GTF2E2: variants seen among roughly 807,000 people sequenced by gnomAD.
GTF2E2 encodes general transcription factor IIE subunit 2.
In GTF2E2, 21 loss-of-function variants were observed where a neutral mutation model predicts 40.5. The observed-to-expected ratio is 0.52, with a 90% CI of 0.37 to 0.75. The LOEUF (loss-of-function observed/expected upper bound fraction) is 0.75. Ranked by LOEUF, GTF2E2 falls within the 30% of genes least tolerant of loss-of-function variation. The probability of loss-of-function intolerance (pLI) is 0.00; values close to 1 mark genes in which losing one functional copy is unlikely to be tolerated. For synonymous variants in GTF2E2, 117 were observed against 121.6 expected (o/e 0.96, Z 0.25); for missense variants, 298 against 338.4 (o/e 0.88, Z 0.94).
chr8:30,627,469 A>AC, intron 3 of GTF2E2, among the ~76,000 whole-genome samples: 1 of 148,918 alleles, frequency 6.7e-6, no homozygotes, highest in East Asian at 1.9e-4. Flanking sequence ...AAAAAAAAAA[A>AC]AACTCAGGAC....
intron 6 of GTF2E2, among the ~76,000 whole-genome samples, chr8:30,594,554 T>TTA (rs1563477422): frequency 9.0e-5 from 12 of 132,894 alleles, no homozygotes; most frequent in Non-Finnish European, 9.7e-5. Flanking sequence ...AATGGATCTT[T>TTA]AAAAAAAAAA....
Position 30,612,454 on chromosome 8 carries a change from C to T in GTF2E2, c.394G>A (p.Val132Ile), listed in dbSNP as rs763708188. 8.1e-6 allele frequency: 13 copies of T among 1,611,318 alleles called. No homozygotes were observed. Among genetic ancestry groups the T allele is most frequent in the South Asian group, 3.3e-5 (3 of 90,972 alleles). Residue 132 changes from valine (V) to isoleucine (I), a missense_variant, in exon 5 of 8, where the codon GTA becomes ATA. Coordinates refer to ENST00000355904, the MANE Select transcript of GTF2E2 (RefSeq NM_002095.6). Reference protein sequence around the residue: ...EALVNNPKIEVIDGKYAFKPK... With the variant: ...EALVNNPKIEIIDGKYAFKPK... ...TTGAAAGCATACTTCCCATCTATTA[C>T]TTCAATTTTGGGATTGTTGACTAAA...
chr8:30,579,128 C>T, intron 7 of GTF2E2, 91 bp from the exon 8 acceptor site: 1 of 760,120 alleles, frequency 1.3e-6, no homozygotes, highest in Non-Finnish European at 2.4e-6. Context: ...ATGCCAGTGG[C>T]TGAGGATGCC....
chr8:30,603,548 C>T (rs1269455388), intron 6 of GTF2E2, among the ~76,000 whole-genome samples: 1 of 152,046 alleles, frequency 6.6e-6, no homozygotes, highest in Non-Finnish European at 1.5e-5. Flanking sequence ...CAAAGGGGGA[C>T]ACATTATAAT....
chr8:30,587,785 T>C (rs1214507118), intron 6 of GTF2E2, among the ~76,000 whole-genome samples: 5 of 150,672 alleles, frequency 3.3e-5, no homozygotes, highest in African/African-American at 1.2e-4. Flanking sequence ...GGCAGGAGAA[T>C]TGCTTGAACC....
intron 5 of GTF2E2, among the ~76,000 whole-genome samples, chr8:30,611,907 G>C (rs912294517): frequency 6.6e-6 from 1 of 152,152 alleles, no homozygotes; most frequent in African/African-American, 2.4e-5. Flanking sequence ...CTTCAAAACA[G>C]CCAGGTTATT....
intron 3 of GTF2E2, among the ~76,000 whole-genome samples, chr8:30,632,463 G>T (rs983134655): frequency 2.0e-5 from 3 of 152,044 alleles, no homozygotes; most frequent in African/African-American, 7.3e-5. Flanking sequence ...TGTTAACTAG[G>T]AGATATTTTC....
chr8:30,602,366 T>C (rs894879373), intron 6 of GTF2E2, among the ~76,000 whole-genome samples: 6 of 152,158 alleles, frequency 3.9e-5, no homozygotes, highest in Non-Finnish European at 8.8e-5. Context: ...AATAAAAATA[T>C]ATTTTCATTC....
intron 6 of GTF2E2, among the ~76,000 whole-genome samples, chr8:30,601,123 T>C (rs1334428050): frequency 6.6e-6 from 1 of 152,222 alleles, no homozygotes; most frequent in Non-Finnish European, 1.5e-5. Context: ...GGTGGTACCT[T>C]ACCCAAGGTT....
At chr8:30,649,404 AAAAC>A (rs528301159) in intron 2 of GTF2E2, among the ~76,000 whole-genome samples, 86 of 152,206 alleles carry the variant, frequency 5.7e-4, no homozygotes, top group Middle Eastern at 3.4e-3. Context: ...TGTGGAAATA[AAAAC>A]AAACAAACAA....
At chr8:30,607,750 T>C (rs889976913) in intron 5 of GTF2E2, among the ~76,000 whole-genome samples, 2 of 152,228 alleles carry the variant, frequency 1.3e-5, no homozygotes, top group African/African-American at 2.4e-5. Flanking sequence ...TGGGGCTCTT[T>C]CACTAATCTA....
intron 1 of GTF2E2, 92 bp from the exon 2 acceptor site, chr8:30,653,694 C>T: frequency 1.2e-6 from 1 of 823,130 alleles, no homozygotes; most frequent in South Asian, 1.6e-5. Flanking sequence ...ACTTCCCAAA[C>T]AAAATTACCT....
intron 3 of GTF2E2, among the ~76,000 whole-genome samples, chr8:30,629,034 A>G (rs1801363801): frequency 6.6e-6 from 1 of 152,188 alleles, no homozygotes; most frequent in Admixed American, 6.5e-5. Flanking sequence ...TTAATTTTCA[A>G]ATATTAACCA....
intron 6 of GTF2E2, among the ~76,000 whole-genome samples, chr8:30,602,782 G>C (rs571169817): frequency 2.7e-5 from 4 of 148,104 alleles, no homozygotes; most frequent in Admixed American, 2.7e-4. Context: ...GGTGTTCACT[G>C]AATCTGGTGA....
intron 1 of GTF2E2, among the ~76,000 whole-genome samples, chr8:30,655,723 T>C (rs1175796202): frequency 1.3e-5 from 2 of 152,236 alleles, no homozygotes; most frequent in African/African-American, 4.8e-5. Context: ...TAAGCATTGA[T>C]AAGAAATAAT....
chr8:30,631,010 G>T (rs1023656966), intron 3 of GTF2E2, among the ~76,000 whole-genome samples: 6 of 152,044 alleles, frequency 3.9e-5, no homozygotes, highest in African/African-American at 9.7e-5. Flanking sequence ...AAGATAAAAA[G>T]AAATATTTTT....
intron 2 of GTF2E2, chr8:30,645,219 T>A: frequency 7.7e-7 from 1 of 1,295,930 alleles, no homozygotes; most frequent in Non-Finnish European, 1.0e-6. Context: ...ATCTTAGTAC[T>A]GAGATTTGAA....
intron 1 of GTF2E2, chr8:30,656,933 A>T (rs1273733381): frequency 6.6e-6 from 1 of 152,170 alleles, no homozygotes; most frequent in East Asian, 1.9e-4. Context: ...TTAATACGTG[A>T]AATCTGAAGT....
At chr8:30,591,751 T>C (rs894689351) in intron 6 of GTF2E2, among the ~76,000 whole-genome samples, 1 of 152,134 alleles carries the variant, frequency 6.6e-6, no homozygotes, top group Non-Finnish European at 1.5e-5. Flanking sequence ...AACTACCATA[T>C]GATGTAGCAA....
Sources: gnomAD v4.1 joint callset for allele counts (sites outside exome capture counted in the v4.1 genomes callset) on GRCh38, gnomAD v4.1.1 for gene constraint, MANE v1.5 for transcripts, NCBI Gene and HGNC (gene_info 2026-07-23, HGNC 2026-07-21) for gene names.